The following EPHX4 variants were observed in gnomAD, a reference collection of about 807,000 sequenced individuals.
The protein encoded by EPHX4 is abhydrolase domain containing 7.
Under a neutral mutation model 44.9 loss-of-function variants are expected in EPHX4, and 31 were observed. The ratio of observed to expected loss-of-function variants is 0.69; its 90% CI spans 0.52 to 0.93. The LOEUF is 0.93. Ranked by LOEUF, EPHX4 falls within the 40% of genes least tolerant of loss-of-function variation. The pLI is 0.00. For synonymous variants in EPHX4, 151 were observed against 159.7 expected (o/e 0.95, Z 0.41); for missense variants, 373 against 438.1 (o/e 0.85, Z 1.33).
At chr1:92,059,517 A>G (rs2147382) in intron 6 of EPHX4, among the ~76,000 whole-genome samples, 6,429 of 152,248 alleles carry the variant, frequency 0.042, 163 homozygotes, top group African/African-American at 0.071. Flanking sequence ...AAGATAAGGG[A>G]AAAAAAGTGA....
chr1:92,055,629 AAAC>A (rs1464298177), intron 6 of EPHX4, among the ~76,000 whole-genome samples: 1 of 152,204 alleles, frequency 6.6e-6, no homozygotes, highest in African/African-American at 2.4e-5. Context: ...ACAATGTCTG[AAAC>A]AACAATGTCT....
intron 2 of EPHX4, among the ~76,000 whole-genome samples, chr1:92,033,702 A>G (rs1484949143): frequency 6.6e-6 from 1 of 152,202 alleles, no homozygotes. Context: ...TTTTGTTGCT[A>G]ACAAAATACC....
In EPHX4 at chr1:92,042,906, A is replaced by G; in HGVS notation, c.401A>G (p.Asp134Gly). Residue 134 changes from aspartate to glycine, a missense_variant, in exon 3 of 7, where the codon GAT becomes GGT. Transcript: ENST00000370383. ...ALDLRGYGET[D>G]APIHRQNYKL... ...GATTTGAGAGGTTATGGAGAAACAG[A>G]TGCTCCCATTCATCGACAGAATTAT... 3 of 1,613,258 alleles carry G rather than the reference A, an allele frequency of 1.9e-6. No homozygotes were observed. The highest frequency in any genetic ancestry group is 2.5e-6 in the Non-Finnish European group (3 of 1,179,368).
Position 92,063,205 on chromosome 1 carries a change from T to C in EPHX4, c.1008T>C (p.His336=), listed in dbSNP as rs146915503. Residue 336 remains histidine (H), a synonymous_variant, in exon 7 of 7, where the codon CAT becomes CAC. Coordinates refer to ENST00000370383, the MANE Select transcript of EPHX4 (RefSeq NM_173567.5). ...FRLTILSEAS[H]WLQQDQPDIV... ...TAACTATTTTGTCAGAAGCCAGTCA[T>C]TGGCTTCAGCAAGACCAACCTGACA... is the stretch of plus-strand genomic sequence containing the variant. 1.2e-6 allele frequency: 2 copies of C among 1,613,978 alleles called. No individual in the cohort carries two copies. The highest frequency in any genetic ancestry group is 2.7e-5 in the African/African-American group (2 of 74,926).
intron 3 of EPHX4, chr1:92,043,193 T>C: frequency 2.4e-6 from 1 of 410,216 alleles, no homozygotes; most frequent in South Asian, 4.1e-5. Flanking sequence ...CAGCCAAGAA[T>C]GACTTTTCAG....
intron 6 of EPHX4, among the ~76,000 whole-genome samples, chr1:92,059,009 GTCTA>G (rs1171676104): frequency 3.3e-5 from 5 of 151,522 alleles, no homozygotes; most frequent in Non-Finnish European, 7.3e-5. Context: ...GTCAGTTGGT[GTCTA>G]TCTGTTAATC....
At chr1:92,030,485 T>TGTGTGTGTGTGTGTGTGTGTGAGTGA (rs1326928763) in intron 1 of EPHX4, among the ~76,000 whole-genome samples, 175 bp downstream of exon 1, 7 of 138,722 alleles carry the variant, frequency 5.0e-5, no homozygotes, top group South Asian at 2.3e-4. Context: ...TGTGTGTGTG[T>TGTGTGTGTGTGTGTGTGTGTGAGTGA]GAGAGAGAGA....
In EPHX4 at chr1:92,062,940, C is replaced by A. The variant is rs573206000; in HGVS notation, c.858-115C>A. On this transcript the variant is annotated intron_variant, in intron 6 of 6. Coordinates refer to ENST00000370383, the MANE Select transcript of EPHX4 (RefSeq NM_173567.5). ...ACCCTCCCAAGAACACAATTTTCAC[C>A]CTTTTAGAGGCAAGATTGCTCACTT... is the stretch of plus-strand genomic sequence containing the variant. 10 of 861,306 alleles carry A rather than the reference C, an allele frequency of 1.2e-5. No homozygotes were observed. The East Asian group carries it at 2.0e-4, about 17-fold the overall frequency. The allele number at this position is 861,306 out of a possible 1,614,324, so 53.4% of individuals were successfully genotyped here.
chr1:92,056,743 A>G (rs1010679868), intron 6 of EPHX4, among the ~76,000 whole-genome samples: 5 of 151,868 alleles, frequency 3.3e-5, no homozygotes, highest in African/African-American at 1.2e-4. Context: ...AGCCTCCCAA[A>G]GTGCTGAGAT....
At chr1:92,042,225 T>C (rs922603693) in intron 2 of EPHX4, among the ~76,000 whole-genome samples, 1 of 151,918 alleles carries the variant, frequency 6.6e-6, no homozygotes, top group African/African-American at 2.4e-5. Flanking sequence ...TTAAGACATA[T>C]ATAAGTACAA....
chr1:92,054,984 G>A lies in EPHX4; in HGVS notation c.857+2326G>A, dbSNP rs577774938. On this transcript the variant is annotated intron_variant, in intron 6 of 6. Transcript: ENST00000370383. ...TATGGAGGATAGAATTAGAAATTGC[G>A]TATGTATATATATGCTAATAATTTT... Among the ~76,000 whole-genome samples the A allele has an allele frequency of 7.2e-5, 11 of 152,144 alleles. No homozygotes were observed. In the South Asian group the frequency reaches 8.3e-4, roughly 11 times the overall value.
intron 5 of EPHX4, 21 bp from the exon 6 acceptor site, chr1:92,052,489 T>C (rs1251453506): frequency 1.3e-6 from 2 of 1,571,780 alleles, no homozygotes; most frequent in African/African-American, 1.4e-5. Context: ...GTTTTAATTA[T>C]TGTTTTCTCA....
chr1:92,062,192 T>C (rs1228591092), intron 6 of EPHX4, among the ~76,000 whole-genome samples: 7 of 152,146 alleles, frequency 4.6e-5, no homozygotes. Flanking sequence ...ATGCATCAGA[T>C]TATCTAGGAA....
intron 2 of EPHX4, 34 bp from the exon 3 acceptor site, chr1:92,042,789 T>C: frequency 6.5e-7 from 1 of 1,547,912 alleles, no homozygotes; most frequent in Non-Finnish European, 8.8e-7. Flanking sequence ...TACTAGCTAA[T>C]ATGATATTTT....
At chr1:92,057,966 G>A (rs746663367) in intron 6 of EPHX4, among the ~76,000 whole-genome samples, 2 of 152,124 alleles carry the variant, frequency 1.3e-5, no homozygotes, top group Non-Finnish European at 2.9e-5. Context: ...ATAAAAGGAA[G>A]ATATGTTTCA....
At chr1:92,062,132 G>T (rs1647510282) in intron 6 of EPHX4, among the ~76,000 whole-genome samples, 1 of 152,074 alleles carries the variant, frequency 6.6e-6, no homozygotes, top group African/African-American at 2.4e-5. Context: ...TAATATTAAA[G>T]CTCAGTTCAA....
At chr1:92,035,629 G>A (rs1166067131) in intron 2 of EPHX4, among the ~76,000 whole-genome samples, 2 of 151,974 alleles carry the variant, frequency 1.3e-5, no homozygotes, top group East Asian at 3.9e-4. Flanking sequence ...TTTATTTTAA[G>A]TTCTGGAATA....
chr1:92,056,963 A>G (rs887778955), intron 6 of EPHX4, among the ~76,000 whole-genome samples: 21 of 152,122 alleles, frequency 1.4e-4, no homozygotes, highest in Admixed American at 1.2e-3. Flanking sequence ...CTTCTGAATA[A>G]CTCTGGGTAA....
At chr1:92,051,285 AG>A in intron 5 of EPHX4, among the ~76,000 whole-genome samples, 1 of 152,148 alleles carries the variant, frequency 6.6e-6, no homozygotes, top group African/African-American at 2.4e-5. Flanking sequence ...CAAACCTAAC[AG>A]AATAAATGAC....
Sources: allele counts gnomAD v4.1 joint callset (sites outside exome capture counted in the v4.1 genomes callset), GRCh38; gene constraint gnomAD v4.1.1; transcripts MANE v1.5; gene names NCBI Gene and HGNC (gene_info 2026-07-23, HGNC 2026-07-21).